PTX4: variants seen among roughly 807,000 people sequenced by gnomAD.
PTX4 encodes the protein pentraxin 4, also known as pentraxin-4.
In PTX4, 23 loss-of-function variants were observed where a neutral mutation model predicts 19.1. The ratio of observed to expected loss-of-function variants is 1.20; its 90% CI spans 0.87 to 1.70. The LOEUF (loss-of-function observed/expected upper bound fraction) is 1.70, where lower values mean the gene tolerates loss of function less well. Ranked by LOEUF, PTX4 falls within the 40% of genes most tolerant of loss-of-function variation. The pLI is 0.00. For synonymous variants in PTX4, 317 were observed against 279.6 expected, an observed-to-expected ratio of 1.13 and a Z score of -1.33; for missense variants, 678 against 610.5, an observed-to-expected ratio of 1.11 and a Z score of -1.17.
rs146739888 is a variant in PTX4, at chr16:1,486,663, CT to C, written c.797-85del. ...AGCACACGTGCTGTGGGTGCCTGGC[CT>C]CCCACTCCCGGCTGCCACCCTTCAC... On this transcript the variant is annotated intron_variant, in intron 2 of 2. Transcript: ENST00000447419. 4,277 of 1,399,284 alleles carry C rather than the reference CT, an allele frequency of 3.1e-3. 107 individuals carry two copies. In the African/African-American group the frequency reaches 0.055, roughly 18 times the overall value. The allele number at this position is 1,399,284 out of a possible 1,614,324, so 86.7% of individuals were successfully genotyped here.
In PTX4 at chr16:1,488,500, CCT is replaced by C. The variant is rs751543228; in HGVS notation, c.141+267_141+268del. ...CCCGGCCCCCATGGCCCCCAGTTCCCCTGACTCCCTTCCAGACCCCCTTCTAG... is the reference window on the plus strand; with the variant it reads ...CCCGGCCCCCATGGCCCCCAGTTCCCGACTCCCTTCCAGACCCCCTTCTAG... On this transcript the variant is annotated intron_variant, in intron 1 of 2. Coordinates refer to ENST00000447419, the MANE Select transcript of PTX4 (RefSeq NM_001328608.2). The C allele has an allele frequency of 2.5e-6, 4 of 1,598,830 alleles. No individual in the cohort carries two copies. The South Asian group carries it at 3.3e-5, about 13-fold the overall frequency.
Position 1,486,454 on chromosome 16 carries a change from C to G in PTX4, c.922G>C (p.Gly308Arg). The change falls in exon 3 of 3, where the codon GGC becomes CGC. Residue 308 changes from glycine (G) to arginine (R), a missense_variant. Transcript: ENST00000447419. ...TAGGACAGGAGGGTGCCCAGGCGGC[C>G]GGAGGCCGTGCGGACCCAGCTGCAG... Reference protein sequence around the residue: ...SFCSWVRTASGRLGTLLSYAT... With the variant: ...SFCSWVRTASRRLGTLLSYAT... 1 of 1,613,634 alleles carries G rather than the reference C, an allele frequency of 6.2e-7. No homozygotes were observed.
Position 1,486,574 on chromosome 16 carries a change from C to T in PTX4, c.802G>A (p.Gly268Ser), listed in dbSNP as rs145926130. The T allele has an allele frequency of 6.5e-5, 100 of 1,541,630 alleles. No individual in the cohort carries two copies. The African/African-American group carries it at 1.1e-3, about 17-fold the overall frequency. ...GGGAAAACGAGGGTGGGGCCCACGC[C>T]GCAAACTAGAAACAGAGGAGGGAGG... is the stretch of plus-strand genomic sequence containing the variant. ...WSPQVPGEICGVGPTLVFPNA... is the reference protein window; with the variant it reads ...WSPQVPGEICSVGPTLVFPNA... The change falls in exon 3 of 3, where the codon GGC becomes AGC. Residue 268 changes from glycine (G) to serine (S), a missense_variant. Coordinates refer to ENST00000447419, the MANE Select transcript of PTX4 (RefSeq NM_001328608.2).
At chr16:1,488,745 C>T (rs1257316076) in intron 1 of PTX4, 24 bp downstream of exon 1, 9 of 670,478 alleles carry the variant, frequency 1.3e-5, no homozygotes, top group East Asian at 2.7e-5. Context: ...AACCCGACTG[C>T]GCCATGTCAG....
At chr16:1,488,689 C>G in intron 1 of PTX4, 80 bp downstream of exon 1, 1 of 636,078 alleles carries the variant, frequency 1.6e-6, no homozygotes. Context: ...TGATGTTTAC[C>G]AATCTGCTTC....
At position 1,486,140 on chromosome 16, in the gene PTX4, G is replaced by GC. The variant is rs1567283708; in HGVS notation, c.1235dup (p.Gly413ArgfsTer?). 3 of 1,614,114 alleles carry GC rather than the reference G, an allele frequency of 1.9e-6. No individual in the cohort carries two copies. The highest frequency in any genetic ancestry group is 2.2e-5 in the South Asian group (2 of 91,062). On this transcript the variant is annotated frameshift_variant, in exon 3 of 3. Transcript: ENST00000447419. LOFTEE classifies it low-confidence loss of function (END_TRUNC). ...CGAAGGCCTCGGAGCTGTCGAATCC[G>GC]CCCCCCACGCTGTCTTGTTCCTGGC...
Position 1,486,562 on chromosome 16 carries a change from T to G in PTX4, c.814A>C (p.Thr272Pro). The G allele has an allele frequency of 6.4e-7, 1 of 1,551,272 alleles. No homozygotes were observed. Among genetic ancestry groups the G allele is most frequent in the Admixed American group, 2.0e-5 (1 of 50,434 alleles). ...VPGEICGVGPTLVFPNASTRN... is the reference protein window; with the variant it reads ...VPGEICGVGPPLVFPNASTRN... ...GTGGAGGCGTTTGGGAAAACGAGGG[T>G]GGGGCCCACGCCGCAAACTAGAAAC... Residue 272 changes from threonine to proline, a missense_variant, in exon 3 of 3, where the codon ACC (threonine) becomes CCC (proline). Transcript: ENST00000447419.
rs553335763 is a variant in PTX4, at chr16:1,487,255, CCTGGT to C, written c.796+56_796+60del. On this transcript the variant is annotated intron_variant, in intron 2 of 2. Coordinates refer to ENST00000447419, the MANE Select transcript of PTX4 (RefSeq NM_001328608.2). ...CTTTTGAGAAGCCTTTTCCAGGGGG[CCTGGT>C]CTAAGGAGGAGCTGGAGGGAAGCCT... 50 of 1,407,258 alleles carry C rather than the reference CCTGGT, an allele frequency of 3.6e-5. 1 individual carries two copies. The South Asian group carries it at 6.5e-4, about 18-fold the overall frequency. 87.2% of individuals were successfully genotyped at this position (1,407,258 alleles called of 1,614,324 possible).
At position 1,486,142 on chromosome 16, in the gene PTX4, C is replaced by A; in HGVS notation, c.1234G>T (p.Gly412Cys). The A allele has an allele frequency of 3.1e-6, 5 of 1,614,188 alleles. No individual in the cohort carries two copies. The highest frequency in any genetic ancestry group is 4.2e-6 in the Non-Finnish European group (5 of 1,180,040). ...VLGQEQDSVGGGFDSSEAFVG... is the reference protein window; with the variant it reads ...VLGQEQDSVGCGFDSSEAFVG... Reference sequence around the variant, plus strand: ...AAGGCCTCGGAGCTGTCGAATCCGCCCCCCACGCTGTCTTGTTCCTGGCCC... The same window carrying A: ...AAGGCCTCGGAGCTGTCGAATCCGCACCCCACGCTGTCTTGTTCCTGGCCC... The change falls in exon 3 of 3, where the codon GGC becomes TGC. Residue 412 changes from glycine to cysteine, a missense_variant. Gly to Cys is a radical substitution (Grantham distance 159, BLOSUM62 -3). Transcript: ENST00000447419.
At chr16:1,488,203 A>C in intron 1 of PTX4, 1 of 1,328,770 alleles carries the variant, frequency 7.5e-7, no homozygotes, top group South Asian at 1.4e-5. Context: ...CTCCAGGCCC[A>C]CAGCTGGGGC....
chr16:1,487,996 G>C (rs776098434), intron 1 of PTX4, 26 bp from the exon 2 acceptor site: 2 of 1,539,570 alleles, frequency 1.3e-6, no homozygotes, highest in South Asian at 2.5e-5. Flanking sequence ...GGTGATGATG[G>C]GGCGGGCCGG....
chr16:1,486,410 G>A lies in PTX4; in HGVS notation c.966C>T (p.Asp322=). The change falls in exon 3 of 3, where the codon GAC becomes GAT. Residue 322 remains aspartate, a synonymous_variant. Transcript: ENST00000447419. ...TLLSYATEDN[D]NKLVLHGRDS... is the part of the protein sequence containing the mutation. ...CTCGGCCGTGCAGCACCAGCTTGTT[G>A]TCATTGTCCTCGGTGGCGTAGGACA... 1 of 1,614,084 alleles carries A rather than the reference G, an allele frequency of 6.2e-7. No individual in the cohort carries two copies. Among genetic ancestry groups the A allele is most frequent in the Non-Finnish European group, 8.5e-7 (1 of 1,180,002 alleles).
Position 1,486,017 on chromosome 16 carries a change from G to C in PTX4, c.1359C>G (p.Ile453Met), listed in dbSNP as rs747970554. The stretch of plus-strand genomic sequence containing the variant: ...CTAGTGCAGCATTGGCCAGCGTCAG[G>C]ATGGCACCTGTCGGGAACTCTTTCC... ...AIGKEFPTGA[I>M]LTLANAALAG... The change falls in exon 3 of 3, where the codon ATC becomes ATG. Residue 453 changes from isoleucine (I) to methionine (M), a missense_variant. By Grantham distance (10) the Ile-to-Met change is conservative. Coordinates refer to ENST00000447419, the MANE Select transcript of PTX4 (RefSeq NM_001328608.2). The C allele has an allele frequency of 2.3e-5, 37 of 1,613,968 alleles. 1 individual carries two copies. In the South Asian group the frequency reaches 3.6e-4, roughly 16 times the overall value.
In PTX4 at chr16:1,488,815, C is replaced by T. The variant is rs1280275413; in HGVS notation, c.95G>A (p.Gly32Glu). The T allele has an allele frequency of 2.8e-6, 2 of 702,466 alleles. No homozygotes were observed. The highest frequency in any genetic ancestry group is 2.7e-5 in the East Asian group (1 of 37,278). The allele number at this position is 702,466 out of a possible 1,614,324, so 43.5% of individuals were successfully genotyped here. A position where few individuals can be genotyped will look rare whatever the true frequency, so the allele number is the denominator to read the frequency against. ...CCTCTCGAAAAACGGTTTCCTGGGC[C>T]CCACTGGGGCGGCTTCCTGCGATGA... ...GASSQEAAPV[G>E]PRKPFFERLR... Residue 32 changes from glycine (G) to glutamate (E), a missense_variant, in exon 1 of 3, where the codon GGG becomes GAG. Physicochemically the swap from Gly to Glu is moderately conservative, Grantham distance 98 (BLOSUM62 -2). Coordinates refer to ENST00000447419, the MANE Select transcript of PTX4 (RefSeq NM_001328608.2).
rs766903961 is a variant in PTX4 at position 1,487,864 on chromosome 16, C to T, written c.248G>A (p.Ser83Asn). The change falls in exon 2 of 3, where the codon AGC becomes AAC. Residue 83 changes from serine to asparagine, a missense_variant. By Grantham distance (46) the Ser-to-Asn change is conservative. Coordinates refer to ENST00000447419, the MANE Select transcript of PTX4 (RefSeq NM_001328608.2). ...DVRFRSLAEE[S>N]QAVAQAVNRS... is the part of the protein sequence containing the mutation. ...GTTGACTGCCTGAGCCACAGCCTGGCTCTCTTCCGCCAGGCTCCGGAACCG... is the reference window on the plus strand; with the variant it reads ...GTTGACTGCCTGAGCCACAGCCTGGTTCTCTTCCGCCAGGCTCCGGAACCG... 6.2e-7 allele frequency: 1 copy of T among 1,613,094 alleles called. No individual in the cohort carries two copies. Among genetic ancestry groups the T allele is most frequent in the Non-Finnish European group, 8.5e-7 (1 of 1,179,928 alleles).
intron 2 of PTX4, 23 bp from the exon 3 acceptor site, chr16:1,486,602 C>T: frequency 6.6e-7 from 1 of 1,523,352 alleles, no homozygotes; most frequent in Non-Finnish European, 8.8e-7. Flanking sequence ...GAGGGAGGGT[C>T]AACCCCTTGC....
rs769983495 is a variant in PTX4, at chr16:1,486,596, G to A, written c.797-17C>T. 1.9e-5 allele frequency: 29 copies of A among 1,532,094 alleles called. 1 individual carries two copies. The highest frequency in any genetic ancestry group is 2.5e-5 in the Non-Finnish European group (29 of 1,141,202). 94.9% of individuals were successfully genotyped at this position (1,532,094 alleles called of 1,614,324 possible). A position where few individuals can be genotyped will look rare whatever the true frequency, so the allele number is the denominator to read the frequency against. On this transcript the variant is annotated splice_polypyrimidine_tract_variant and intron_variant, in intron 2 of 2. Transcript: ENST00000447419. ...CGCCGCAAACTAGAAACAGAGGAGG[G>A]AGGGTCAACCCCTTGCAGGAGGCCG...
rs79505704 is a variant in PTX4, at chr16:1,486,139, C to T, written c.1237G>A (p.Gly413Arg). The change falls in exon 3 of 3, where the codon GGA (glycine) becomes AGA (arginine). Residue 413 changes from glycine (G) to arginine (R), a missense_variant. By Grantham distance (125) the Gly-to-Arg change is moderately radical. Coordinates refer to ENST00000447419, the MANE Select transcript of PTX4 (RefSeq NM_001328608.2). ...LGQEQDSVGG[G>R]FDSSEAFVGS... ...ACGAAGGCCTCGGAGCTGTCGAATC[C>T]GCCCCCCACGCTGTCTTGTTCCTGG... 4,916 of 1,614,144 alleles carry T rather than the reference C, an allele frequency of 3.0e-3. 122 individuals carry two copies. The African/African-American group carries it at 0.056, about 18-fold the overall frequency.
chr16:1,488,705 C>T, intron 1 of PTX4, 64 bp downstream of exon 1: 1 of 650,534 alleles, frequency 1.5e-6, no homozygotes, highest in Non-Finnish European at 2.8e-6. Context: ...GCTTCTGTAA[C>T]ATCCGTCTTC....
Sources: gnomAD v4.1 joint callset for allele counts on GRCh38, gnomAD v4.1.1 for gene constraint, MANE v1.5 for transcripts, NCBI Gene and HGNC (gene_info 2026-07-23, HGNC 2026-07-21) for gene names.